Variants in VAPB observed in about 807,000 individuals in gnomAD.
VAPB encodes the protein vesicle-associated membrane protein-associated protein B/C.
VAPB carries 7 observed loss-of-function variants against 25.6 expected under a neutral mutation model. The ratio of observed to expected loss-of-function variants is 0.27; its 90% CI spans 0.16 to 0.51. VAPB has a LOEUF of 0.51. Among genes scored for constraint, VAPB ranks in the 20% least tolerant of loss-of-function variants. The pLI is 0.97. For synonymous variants in VAPB, 112 were observed against 109.2 expected (o/e 1.03, Z -0.16); for missense variants, 266 against 301.3 (o/e 0.88, Z 0.87).
rs2123094935 is a variant in VAPB at position 58,437,819 on chromosome 20, T to C, written c.316-1126T>C. Among the ~76,000 whole-genome samples the C allele has an allele frequency of 2.0e-5, 3 of 152,342 alleles. No individual in the cohort carries two copies. In the Middle Eastern group the frequency reaches 0.01, roughly 518 times the overall value. ...TTTAGTGGATCTGCCATAATTTTTG[T>C]GGCAGTCCCCTAGGGTCAGATGTAT... On this transcript the variant is annotated intron_variant, in intron 3 of 5. Coordinates refer to ENST00000475243, the MANE Select transcript of VAPB (RefSeq NM_004738.5).
chr20:58,441,124 G>C, intron 5 of VAPB, 41 bp downstream of exon 5: 2 of 1,602,610 alleles, frequency 1.2e-6, no homozygotes, highest in Non-Finnish European at 8.5e-7. Flanking sequence ...AAACAAGGGC[G>C]TTTTCACTAG....
At chr20:58,432,167 G>T (rs1457793337) in intron 2 of VAPB, among the ~76,000 whole-genome samples, 1 of 152,148 alleles carries the variant, frequency 6.6e-6, no homozygotes, top group East Asian at 1.9e-4. Context: ...CTAGGAAGGT[G>T]ATGAATGGGA....
In VAPB at chr20:58,402,558, C is replaced by T. The variant is rs972717460; in HGVS notation, c.58+13041C>T. On this transcript the variant is annotated intron_variant, in intron 1 of 5. Transcript: ENST00000475243. Reference sequence around the variant, plus strand: ...TTCGCTGTTAGTCAGCAAGCCCCCCCACCCTTTTTTTTTTTTTTTTTTTAG... The same window carrying T: ...TTCGCTGTTAGTCAGCAAGCCCCCCTACCCTTTTTTTTTTTTTTTTTTTAG... Among the ~76,000 whole-genome samples, 3 of 131,266 alleles carry T rather than the reference C, an allele frequency of 2.3e-5. No homozygotes were observed. In the East Asian group the frequency reaches 6.2e-4, roughly 27 times the overall value. 86.1% of individuals were successfully genotyped at this position (131,266 alleles called of 152,430 possible). A position where few individuals can be genotyped will look rare whatever the true frequency, so the allele number is the denominator to read the frequency against.
chr20:58,399,981 T>C (rs1212700196), intron 1 of VAPB, among the ~76,000 whole-genome samples: 1 of 152,118 alleles, frequency 6.6e-6, no homozygotes, highest in Non-Finnish European at 1.5e-5. Flanking sequence ...ATTTACAATA[T>C]AGTAGAAAAA....
chr20:58,423,851 T>C (rs1391690285), intron 2 of VAPB, among the ~76,000 whole-genome samples: 1 of 152,250 alleles, frequency 6.6e-6, no homozygotes, highest in Non-Finnish European at 1.5e-5. Context: ...ACATTCATAC[T>C]TTAAAAGATG....
intron 1 of VAPB, among the ~76,000 whole-genome samples, chr20:58,403,425 A>G (rs1343975063): frequency 6.6e-6 from 1 of 152,222 alleles, no homozygotes; most frequent in Non-Finnish European, 1.5e-5. Flanking sequence ...CGCTTAAGCA[A>G]ATGCCCAGTC....
In VAPB at chr20:58,445,288, C is replaced by A. The variant is rs12512; in HGVS notation, c.*1053C>A. 2 of 454,216 alleles carry A rather than the reference C, an allele frequency of 4.4e-6. No homozygotes were observed. The highest frequency in any genetic ancestry group is 2.0e-5 in the African/African-American group (1 of 49,984). 28.1% of individuals were successfully genotyped at this position (454,216 alleles called of 1,614,324 possible). On this transcript the variant is annotated 3_prime_UTR_variant, in exon 6 of 6. Coordinates refer to ENST00000475243, the MANE Select transcript of VAPB (RefSeq NM_004738.5). Reference sequence around the variant, plus strand: ...AACCATTACTCACACTTCCAGCGCCCAGGTCCAAGTCTGAGCCTGACCTCC... The same window carrying A: ...AACCATTACTCACACTTCCAGCGCCAAGGTCCAAGTCTGAGCCTGACCTCC...
chr20:58,408,253 C>T (rs376922681), intron 1 of VAPB, among the ~76,000 whole-genome samples: 1 of 152,096 alleles, frequency 6.6e-6, no homozygotes, highest in East Asian at 1.9e-4. Context: ...CTGGCTGGCT[C>T]CCGAGGATAC....
intron 1 of VAPB, among the ~76,000 whole-genome samples, chr20:58,406,017 C>T (rs1333817217): frequency 6.6e-6 from 1 of 152,020 alleles, no homozygotes; most frequent in African/African-American, 2.4e-5. Context: ...CTGCTTTTGG[C>T]CTAAGCAGTT....
chr20:58,396,664 G>A (rs537132345), intron 1 of VAPB, among the ~76,000 whole-genome samples: 5 of 152,282 alleles, frequency 3.3e-5, no homozygotes, highest in African/African-American at 7.2e-5. Flanking sequence ...CCAACACCCC[G>A]TTGGGTCGGG....
chr20:58,443,856 G>A (rs1989215634), intron 5 of VAPB, among the ~76,000 whole-genome samples: 2 of 152,134 alleles, frequency 1.3e-5, no homozygotes. Flanking sequence ...ACTAGCAGCA[G>A]CAAGTGGAAT....
chr20:58,438,053 A>C (rs1195187815), intron 3 of VAPB, among the ~76,000 whole-genome samples: 1 of 152,096 alleles, frequency 6.6e-6, no homozygotes, highest in Non-Finnish European at 1.5e-5. Context: ...GTATCCTCTT[A>C]GGACATGGGA....
chr20:58,409,904 T>TATACACACAC (rs1555811895), intron 1 of VAPB, among the ~76,000 whole-genome samples: 55 of 148,224 alleles, frequency 3.7e-4, no homozygotes, highest in African/African-American at 9.7e-4. Context: ...TTTATTCATA[T>TATACACACAC]ACACACACAC....
intron 2 of VAPB, among the ~76,000 whole-genome samples, chr20:58,434,101 T>C (rs545085646): frequency 3.3e-5 from 5 of 152,354 alleles, no homozygotes; most frequent in East Asian, 3.9e-4. Flanking sequence ...AAAAATTTTC[T>C]AGCTTTATGT....
intron 3 of VAPB, 111 bp downstream of exon 3, chr20:58,434,816 G>T: frequency 4.5e-6 from 3 of 659,466 alleles, no homozygotes; most frequent in Non-Finnish European, 5.5e-6. Flanking sequence ...ATTTAAAAGG[G>T]AATAGTTTTT....
intron 1 of VAPB, among the ~76,000 whole-genome samples, chr20:58,397,612 A>G (rs1451516300): frequency 6.6e-6 from 1 of 152,140 alleles, no homozygotes; most frequent in Non-Finnish European, 1.5e-5. Context: ...TGTGTGTGGT[A>G]GAGATTTCAT....
At chr20:58,420,409 TTG>T (rs745901033) in intron 2 of VAPB, among the ~76,000 whole-genome samples, 14 of 152,348 alleles carry the variant, frequency 9.2e-5, no homozygotes, top group Non-Finnish European at 1.6e-4. Flanking sequence ...GACTTTGTGG[TTG>T]TGGCCTTCCT....
At chr20:58,397,209 T>G (rs1275953805) in intron 1 of VAPB, among the ~76,000 whole-genome samples, 1 of 152,178 alleles carries the variant, frequency 6.6e-6, no homozygotes, top group Non-Finnish European at 1.5e-5. Context: ...TCTGATGGTT[T>G]CTTGATTCTA....
At position 58,444,767 on chromosome 20, in the gene VAPB, G is replaced by C. The variant is rs1335621994; in HGVS notation, c.*532G>C. The C allele has an allele frequency of 2.2e-6, 1 of 454,564 alleles. No individual in the cohort carries two copies. 28.2% of individuals were successfully genotyped at this position (454,564 alleles called of 1,614,324 possible). A position where few individuals can be genotyped will look rare whatever the true frequency, so the allele number is the denominator to read the frequency against. ...GATGAACAGAGTCAGAAGCCCAAAG[G>C]AATTGCACTGTGGCAGCATCAGACG... On this transcript the variant is annotated 3_prime_UTR_variant, in exon 6 of 6. Transcript: ENST00000475243.
Sources: allele counts gnomAD v4.1 joint callset (sites outside exome capture counted in the v4.1 genomes callset), GRCh38; gene constraint gnomAD v4.1.1; transcripts MANE v1.5; gene names NCBI Gene and HGNC (gene_info 2026-07-23, HGNC 2026-07-21).